The following LNX2 variants were observed in gnomAD, a reference collection of about 807,000 sequenced individuals.
LNX2 encodes the protein ligand of Numb protein X 2.
A neutral mutation model predicts 66.2 loss-of-function variants in LNX2; 35 were observed. The observed-to-expected ratio is 0.53, with a 90% CI of 0.40 to 0.70. The LOEUF (loss-of-function observed/expected upper bound fraction) is 0.70. LNX2 is among the 30% of genes least tolerant of loss of function. LNX2 has a pLI of 0.00. For missense variants in LNX2, 791 were observed against 850.8 expected (o/e 0.93, Z 0.87); for synonymous variants, 337 against 315.6 (o/e 1.07, Z -0.72).
intron 1 of LNX2, among the ~76,000 whole-genome samples, chr13:27,583,205 T>TGCACGC (rs1566124653): frequency 4.5e-5 from 1 of 22,076 alleles, no homozygotes; most frequent in Non-Finnish European, 9.4e-5. Flanking sequence ...TGTGTGTGTG[T>TGCACGC]GTGTGTGTGT....
At position 27,553,393 on chromosome 13, in the gene LNX2, A is replaced by T; in HGVS notation, c.1593T>A (p.Ser531Arg). The change falls in exon 8 of 10, where the codon AGT (serine) becomes AGA (arginine). Residue 531 changes from serine (S) to arginine (R), a missense_variant. Ser to Arg is a moderately radical substitution (Grantham distance 110). Transcript: ENST00000316334. Reference protein sequence around the residue: ...NINGIDLTNLSHSEAVAMLKA... With the variant: ...NINGIDLTNLRHSEAVAMLKA... ...TCAGCATTGCAACTGCCTCACTGTG[A>T]CTTAAATTGGTCAAATCAATGCCGT... is the stretch of plus-strand genomic sequence containing the variant. 6.2e-7 allele frequency: 1 copy of T among 1,614,120 alleles called. No individual in the cohort carries two copies. Among genetic ancestry groups the T allele is most frequent in the Non-Finnish European group, 8.5e-7 (1 of 1,180,014 alleles).
intron 1 of LNX2, among the ~76,000 whole-genome samples, chr13:27,586,073 C>T (rs1054865130): frequency 1.4e-5 from 2 of 138,666 alleles, no homozygotes; most frequent in African/African-American, 5.3e-5. Context: ...TAAGGCAGTA[C>T]ATATATCTAT....
chr13:27,569,364 A>G (rs1358235971), intron 2 of LNX2, 88 bp from the exon 3 acceptor site: 2 of 1,393,906 alleles, frequency 1.4e-6, no homozygotes, highest in African/African-American at 1.4e-5. Flanking sequence ...GCTTCTACAC[A>G]AACAGAACCA....
intron 1 of LNX2, among the ~76,000 whole-genome samples, chr13:27,612,786 C>T (rs574327514): frequency 5.3e-5 from 8 of 152,198 alleles, no homozygotes; most frequent in African/African-American, 1.7e-4. Context: ...AGACAGGTTT[C>T]GCCATGTTGC....
intron 2 of LNX2, among the ~76,000 whole-genome samples, chr13:27,578,009 T>C (rs955810992): frequency 5.3e-5 from 8 of 152,072 alleles, no homozygotes; most frequent in African/African-American, 1.7e-4. Context: ...CCATGTCTCT[T>C]AAAATTCTTC....
chr13:27,569,132 G>A lies in LNX2; in HGVS notation c.552C>T (p.Gly184=), dbSNP rs778168392. The A allele has an allele frequency of 1.2e-5, 20 of 1,612,850 alleles. No homozygotes were observed. The highest frequency in any genetic ancestry group is 5.5e-5 in the South Asian group (5 of 90,876). ...LSPEADCLGT[G]AVPVERHLTS... is the part of the protein sequence containing the mutation. The stretch of plus-strand genomic sequence containing the variant: ...TCAAGTGCCGCTCCACAGGCACTGC[G>A]CCTGTCCCCAAACAGTCTGCTTCTG... The change falls in exon 3 of 10, where the codon GGC becomes GGT. Residue 184 remains glycine, a synonymous_variant. Transcript: ENST00000316334.
intron 1 of LNX2, among the ~76,000 whole-genome samples, chr13:27,602,611 C>A (rs1407490443): frequency 6.6e-6 from 1 of 152,136 alleles, no homozygotes; most frequent in Admixed American, 6.5e-5. Context: ...TGATGGACAA[C>A]TGGGCTGTTT....
intron 2 of LNX2, among the ~76,000 whole-genome samples, chr13:27,572,954 G>A (rs1210060664): frequency 6.6e-6 from 1 of 152,208 alleles, no homozygotes; most frequent in African/African-American, 2.4e-5. Context: ...AGTGAAAATG[G>A]TGAATTAAGA....
At chr13:27,570,895 C>T (rs551503882) in intron 2 of LNX2, among the ~76,000 whole-genome samples, 2 of 152,250 alleles carry the variant, frequency 1.3e-5, no homozygotes, top group African/African-American at 4.8e-5. Flanking sequence ...AACAACTCTA[C>T]ACCTTCACAA....
intron 2 of LNX2, among the ~76,000 whole-genome samples, chr13:27,579,138 A>G (rs1312397759): frequency 6.6e-6 from 1 of 152,256 alleles, no homozygotes; most frequent in Non-Finnish European, 1.5e-5. Flanking sequence ...CATAGCAGAT[A>G]ATCAATATTT....
At chr13:27,576,942 C>T (rs1955346715) in intron 2 of LNX2, among the ~76,000 whole-genome samples, 1 of 151,978 alleles carries the variant, frequency 6.6e-6, no homozygotes, top group Admixed American at 6.6e-5. Context: ...AAGCAAACAA[C>T]AATGAACTTC....
intron 5 of LNX2, among the ~76,000 whole-genome samples, chr13:27,561,604 T>G (rs1345871306): frequency 6.6e-6 from 1 of 152,244 alleles, no homozygotes; most frequent in East Asian, 1.9e-4. Context: ...TAGTCTTAAA[T>G]TTTCATTGTT....
intron 1 of LNX2, among the ~76,000 whole-genome samples, chr13:27,598,628 A>C (rs1336879682): frequency 1.1e-5 from 1 of 93,142 alleles, no homozygotes; most frequent in Admixed American, 8.9e-5. Flanking sequence ...CCCATTTTTC[A>C]AATGAGGAAA....
In LNX2 at chr13:27,557,695, T is replaced by C. The variant is rs150960283; in HGVS notation, c.1369-1282A>G. Among the ~76,000 whole-genome samples the C allele has an allele frequency of 4.6e-5, 7 of 152,232 alleles. No individual in the cohort carries two copies. In the East Asian group the frequency reaches 1.2e-3, roughly 25 times the overall value. On this transcript the variant is annotated intron_variant, in intron 6 of 9. Coordinates refer to ENST00000316334, the MANE Select transcript of LNX2 (RefSeq NM_153371.4). ...ATCTCTAAATCAGGGCCTGGAATTCTAGGCCTATCTACCCTTCTCCAGATG... is the reference window on the plus strand; with the variant it reads ...ATCTCTAAATCAGGGCCTGGAATTCCAGGCCTATCTACCCTTCTCCAGATG...
At chr13:27,613,286 G>A (rs903949098) in intron 1 of LNX2, among the ~76,000 whole-genome samples, 1 of 151,828 alleles carries the variant, frequency 6.6e-6, no homozygotes, top group Admixed American at 6.6e-5. Flanking sequence ...GGAGGGGAGG[G>A]TGAGGTGGAA....
At chr13:27,582,939 CGTAT>C (rs1955417766) in intron 1 of LNX2, among the ~76,000 whole-genome samples, 1 of 151,922 alleles carries the variant, frequency 6.6e-6, no homozygotes, top group South Asian at 2.1e-4. Flanking sequence ...TGAATTTCAG[CGTAT>C]GTATGATTTG....
Position 27,614,665 on chromosome 13 carries a change from C to T in LNX2, c.-101+5710G>A, listed in dbSNP as rs888827667. ...CTATCTGGGCAGTAGGCAGGAAGAACCCATTGGGCAGCTAAAGAAGAAAAA... is the reference window on the plus strand; with the variant it reads ...CTATCTGGGCAGTAGGCAGGAAGAATCCATTGGGCAGCTAAAGAAGAAAAA... On this transcript the variant is annotated intron_variant, in intron 1 of 9. Coordinates refer to ENST00000316334, the MANE Select transcript of LNX2 (RefSeq NM_153371.4). Among the ~76,000 whole-genome samples the T allele has an allele frequency of 5.9e-5, 9 of 152,204 alleles. No individual in the cohort carries two copies. The South Asian group carries it at 1.9e-3, about 32-fold the overall frequency.
chr13:27,583,180 G>A (rs186892845), intron 1 of LNX2, among the ~76,000 whole-genome samples: 3,912 of 8,790 alleles, frequency 0.45, 78 homozygotes, highest in Middle Eastern at 0.59. Context: ...GTGTGTGTGT[G>A]TGTGTGTGTG....
intron 6 of LNX2, among the ~76,000 whole-genome samples, chr13:27,559,290 A>G (rs191523184): frequency 6.6e-6 from 1 of 152,250 alleles, no homozygotes; most frequent in Non-Finnish European, 1.5e-5. Context: ...ATTTAGGGTA[A>G]TATTCCTCTA....
Sources: allele counts gnomAD v4.1 joint callset (sites outside exome capture counted in the v4.1 genomes callset), GRCh38; gene constraint gnomAD v4.1.1; transcripts MANE v1.5; gene names NCBI Gene and HGNC (gene_info 2026-07-23, HGNC 2026-07-21).